Variants in SPIB observed in about 807,000 individuals in gnomAD.
SPIB encodes the protein Spi-B transcription factor.
A neutral mutation model predicts 31.9 loss-of-function variants in SPIB; 7 were observed. The observed-to-expected ratio is 0.22, with a 90% confidence interval of 0.12 to 0.41. The LOEUF is 0.41. Ranked by LOEUF, SPIB falls within the 10% of genes least tolerant of loss-of-function variation. The probability of loss-of-function intolerance (pLI) is 1.00; values close to 1 mark genes in which losing one functional copy is unlikely to be tolerated. For synonymous variants in SPIB, 176 were observed against 158.9 expected, an observed-to-expected ratio of 1.11 and a Z score of -0.81; for missense variants, 327 against 360.2, an observed-to-expected ratio of 0.91 and a Z score of 0.75.
rs1198149448 is a variant in SPIB, at chr19:50,427,858, G to GC, written c.491-165dup. Among the ~76,000 whole-genome samples, 81 of 56,622 alleles carry GC rather than the reference G, an allele frequency of 1.4e-3. 8 individuals are homozygous for GC. Among genetic ancestry groups the GC allele is most frequent in the African/African-American group, 4.1e-3 (66 of 16,102 alleles). The allele number at this position is 56,622 out of a possible 152,430, so 37.1% of individuals were successfully genotyped here. ...CAGCTTCGGGCAGGGGGAGTGGCTT[G>GC]CCCCCCCCCCCCCCCGTGGTGAGGG... On this transcript the variant is annotated intron_variant, in intron 5 of 5. Coordinates refer to ENST00000595883, the MANE Select transcript of SPIB (RefSeq NM_003121.5).
intron 5 of SPIB, 102 bp from the exon 6 acceptor site, chr19:50,427,936 C>T (rs2039589002): frequency 2.8e-5 from 36 of 1,300,824 alleles, no homozygotes; most frequent in Non-Finnish European, 3.6e-5. Flanking sequence ...CTTTTCAGAT[C>T]CAGGAGATGG....
intron 3 of SPIB, 38 bp downstream of exon 3, chr19:50,422,583 G>T (rs772165674): frequency 1.2e-6 from 2 of 1,604,890 alleles, no homozygotes; most frequent in Non-Finnish European, 1.7e-6. Context: ...CTGCCTTGGG[G>T]CCCATTTCAC....
At position 50,423,725 on chromosome 19, in the gene SPIB, G is replaced by C; in HGVS notation, c.460G>C (p.Ala154Pro). 1 of 1,611,982 alleles carries C rather than the reference G, an allele frequency of 6.2e-7. No homozygotes were observed. The highest frequency in any genetic ancestry group is 8.5e-7 in the Non-Finnish European group (1 of 1,179,164). ...SDSESDEALV[A>P]GPEGKGSEAG... ...CAGCGAGTCGGATGAGGCCCTCGTG[G>C]CTGGCCCCGAGGGGAAGGGATCCGA... Residue 154 changes from alanine to proline, a missense_variant, in exon 5 of 6, where the codon GCT (alanine) becomes CCT (proline). Physicochemically the swap from Ala to Pro is conservative, Grantham distance 27. Around this residue, in one of 4 missense-constraint regions of SPIB, gnomAD observed 238 missense variants for 228.8 expected, o/e 1.04. Transcript: ENST00000595883.
At chr19:50,426,439 C>T (rs1205777466) in intron 5 of SPIB, among the ~76,000 whole-genome samples, 1 of 152,170 alleles carries the variant, frequency 6.6e-6, no homozygotes, top group Non-Finnish European at 1.5e-5. Flanking sequence ...AGATGTAGAA[C>T]TGCCAAGGAG....
intron 5 of SPIB, among the ~76,000 whole-genome samples, chr19:50,425,683 C>T (rs1568650602): frequency 6.6e-6 from 1 of 152,214 alleles, no homozygotes; most frequent in Non-Finnish European, 1.5e-5. Flanking sequence ...CCTATGTGCT[C>T]CTCCCACCTC....
At position 50,418,997 on chromosome 19, in the gene SPIB, C is replaced by T. The variant is rs761106907; in HGVS notation, c.23+12C>T. 1 of 1,552,176 alleles carries T rather than the reference C, an allele frequency of 6.4e-7. No homozygotes were observed. The highest frequency in any genetic ancestry group is 2.4e-5 in the East Asian group (1 of 41,002). On this transcript the variant is annotated intron_variant, in intron 1 of 5. Coordinates refer to ENST00000595883, the MANE Select transcript of SPIB (RefSeq NM_003121.5). The surrounding 1 kb of genome is among the most constrained non-coding windows in gnomAD (Gnocchi z 6.0). The stretch of plus-strand genomic sequence containing the variant: ...CTGGAGGCTGCACAGTAAGTGAGGG[C>T]CCCCAAACCTGCACCCGGGGTCCCC...
Position 50,428,028 on chromosome 19 carries a change from C to A in SPIB, c.491-10C>A, listed in dbSNP as rs1176066126. The A allele has an allele frequency of 5.3e-6, 8 of 1,501,560 alleles. No individual in the cohort carries two copies. In the East Asian group the frequency reaches 2.0e-4, roughly 37 times the overall value. 93.0% of individuals were successfully genotyped at this position (1,501,560 alleles called of 1,614,324 possible). On this transcript the variant is annotated splice_polypyrimidine_tract_variant and intron_variant, in intron 5 of 5. Transcript: ENST00000595883. This position sits in a 1 kb window ranked among gnomAD's most constrained non-coding sequence, Gnocchi z 6.5. ...CCCTCACCTAACGCGTGCCCCCGACCCCACCGCAGGGACTCGCAAGAAGCT... is the reference window on the plus strand; with the variant it reads ...CCCTCACCTAACGCGTGCCCCCGACACCACCGCAGGGACTCGCAAGAAGCT...
intron 3 of SPIB, 40 bp from the exon 4 acceptor site, chr19:50,422,783 G>A (rs762393916): frequency 3.5e-5 from 48 of 1,371,938 alleles, no homozygotes; most frequent in Non-Finnish European, 4.2e-5. Flanking sequence ...GGAGGCCTCC[G>A]TGAGACATCC....
Position 50,430,379 on chromosome 19 carries a change from A to G in SPIB, c.*2043A>G, listed in dbSNP as rs1319368388. On this transcript the variant is annotated 3_prime_UTR_variant, in exon 6 of 6. Coordinates refer to ENST00000595883, the MANE Select transcript of SPIB (RefSeq NM_003121.5). ...GGGTGGGCAGGTGGATCTAGGGTGC[A>G]TGACTTGCTGCTTCCCAACCTTAGT... The G allele has an allele frequency of 6.6e-6, 1 of 152,168 alleles. No individual in the cohort carries two copies. The highest frequency in any genetic ancestry group is 2.1e-4 in the South Asian group (1 of 4,828). 9.4% of individuals were successfully genotyped at this position (152,168 alleles called of 1,614,324 possible). A position where few individuals can be genotyped will look rare whatever the true frequency, so the allele number is the denominator to read the frequency against.
intron 5 of SPIB, among the ~76,000 whole-genome samples, chr19:50,426,979 A>T (rs2039572822): frequency 6.6e-6 from 1 of 151,156 alleles, no homozygotes; most frequent in Admixed American, 6.6e-5. Context: ...AAAATAAAAC[A>T]ATTAGCTAGG....
In SPIB at chr19:50,428,203, G is replaced by A. The variant is rs868704532; in HGVS notation, c.656G>A (p.Arg219His). ...ARRWGQQKGN[R>H]KRMTYQKLAR... is the part of the protein sequence containing the mutation. ...CGCTGGGGCCAGCAGAAGGGGAACC[G>A]CAAGCGCATGACCTACCAGAAGCTG... The change falls in exon 6 of 6, where the codon CGC becomes CAC. Residue 219 changes from arginine to histidine, a missense_variant. Coordinates refer to ENST00000595883, the MANE Select transcript of SPIB (RefSeq NM_003121.5). This position sits in a 1 kb window ranked among gnomAD's most constrained non-coding sequence, Gnocchi z 6.5. 1 of 1,585,738 alleles carries A rather than the reference G, an allele frequency of 6.3e-7. No homozygotes were observed. The highest frequency in any genetic ancestry group is 1.1e-5 in the South Asian group (1 of 87,092).
chr19:50,423,874 G>A (rs898949689), intron 5 of SPIB, 119 bp downstream of exon 5: 25 of 1,181,140 alleles, frequency 2.1e-5, no homozygotes, highest in African/African-American at 3.1e-5. Flanking sequence ...TCCCAGATCC[G>A]CACCACCTGC....
intron 4 of SPIB, 167 bp downstream of exon 4, chr19:50,423,204 CAAAAA>C (rs59236153): frequency 1.4e-3 from 389 of 284,490 alleles, no homozygotes; most frequent in East Asian, 2.1e-3. Context: ...GACCCTGTCT[CAAAAA>C]AAAAAAAAAA....
At chr19:50,422,765 G>A (rs982981144) in intron 3 of SPIB, 58 bp from the exon 4 acceptor site, 24 of 1,234,182 alleles carry the variant, frequency 1.9e-5, no homozygotes, top group Middle Eastern at 2.0e-4. Flanking sequence ...TGGGGGCTTC[G>A]ACTGCGAGGA....
At chr19:50,420,596 C>T (rs1377094116) in intron 2 of SPIB, among the ~76,000 whole-genome samples, 2 of 152,184 alleles carry the variant, frequency 1.3e-5, no homozygotes, top group African/African-American at 2.4e-5. Flanking sequence ...ATATTTTCCG[C>T]CACCAATTTG....
intron 2 of SPIB, among the ~76,000 whole-genome samples, chr19:50,421,521 C>A (rs1424409405): frequency 6.6e-6 from 1 of 151,834 alleles, no homozygotes; most frequent in African/African-American, 2.4e-5. Flanking sequence ...CGGGGTTTCA[C>A]CATGTTGGCC....
chr19:50,423,697 G>A lies in SPIB; in HGVS notation c.432G>A (p.Ser144=), dbSNP rs141992127. The A allele has an allele frequency of 5.4e-5, 87 of 1,613,496 alleles. No individual in the cohort carries two copies. Among genetic ancestry groups the A allele is most frequent in the Middle Eastern group, 3.3e-4 (2 of 6,082 alleles). ...LPLDSPALEV[S]DSESDEALVA... ...TGGACAGCCCTGCCCTGGAGGTCTC[G>A]GACAGCGAGTCGGATGAGGCCCTCG... The change falls in exon 5 of 6, where the codon TCG becomes TCA. Residue 144 remains serine, a synonymous_variant. Coordinates refer to ENST00000595883, the MANE Select transcript of SPIB (RefSeq NM_003121.5).
Position 50,428,017 on chromosome 19 carries a change from G to T in SPIB, c.491-21G>T. 1 of 1,482,164 alleles carries T rather than the reference G, an allele frequency of 6.7e-7. No individual in the cohort carries two copies. The highest frequency in any genetic ancestry group is 9.0e-7 in the Non-Finnish European group (1 of 1,109,612). 91.8% of individuals were successfully genotyped at this position (1,482,164 alleles called of 1,614,324 possible). A position where few individuals can be genotyped will look rare whatever the true frequency, so the allele number is the denominator to read the frequency against. On this transcript the variant is annotated intron_variant, in intron 5 of 5. Coordinates refer to ENST00000595883, the MANE Select transcript of SPIB (RefSeq NM_003121.5). The surrounding 1 kb of genome is among the most constrained non-coding windows in gnomAD (Gnocchi z 6.5). ...GCCTTAGGGACCCCTCACCTAACGCGTGCCCCCGACCCCACCGCAGGGACT... is the reference window on the plus strand; with the variant it reads ...GCCTTAGGGACCCCTCACCTAACGCTTGCCCCCGACCCCACCGCAGGGACT...
At chr19:50,422,216 G>C (rs1391843650) in intron 2 of SPIB, among the ~76,000 whole-genome samples, 1 of 152,204 alleles carries the variant, frequency 6.6e-6, no homozygotes, top group Non-Finnish European at 1.5e-5. Flanking sequence ...GAGGGGCCAG[G>C]GTTCTTGGGA....
Sources: gnomAD v4.1 joint callset for allele counts (sites outside exome capture counted in the v4.1 genomes callset) on GRCh38, gnomAD v4.1.1 for gene constraint, gnomAD v4.1.1 regional missense constraint, Gnocchi (gnomAD v3.1) non-coding constraint, MANE v1.5 for transcripts, NCBI Gene and HGNC (gene_info 2026-07-23, HGNC 2026-07-21) for gene names.